GAREM1: variants seen among roughly 807,000 people sequenced by gnomAD.
The protein encoded by GAREM1 is GRB2-associated and regulator of MAPK protein 1.
A neutral mutation model predicts 71.3 loss-of-function variants in GAREM1; 26 were observed. That is an observed-to-expected ratio of 0.36 (90% CI 0.27 to 0.51). GAREM1 has a LOEUF of 0.51. Among genes scored for constraint, GAREM1 ranks in the 20% least tolerant of loss-of-function variants. The probability of loss-of-function intolerance (pLI) is 0.95; values close to 1 mark genes in which losing one functional copy is unlikely to be tolerated. For missense variants in GAREM1, 1,026 were observed against 1,103.1 expected (o/e 0.93, Z 0.99); for synonymous variants, 440 against 433.2 (o/e 1.02, Z -0.20).
intron 1 of GAREM1, among the ~76,000 whole-genome samples, chr18:32,407,697 A>T (rs569445900): frequency 4.6e-5 from 7 of 152,222 alleles, no homozygotes; most frequent in Admixed American, 2.0e-4. Context: ...AGATGACATT[A>T]CTAGAGTGGC....
intron 2 of GAREM1, among the ~76,000 whole-genome samples, chr18:32,322,491 G>A (rs568388250): frequency 3.4e-5 from 5 of 148,774 alleles, no homozygotes; most frequent in Non-Finnish European, 7.4e-5. Context: ...ATAAAGATTG[G>A]GGTCAGTTAC....
At chr18:32,390,164 T>C (rs1208623085) in intron 2 of GAREM1, among the ~76,000 whole-genome samples, 1 of 152,144 alleles carries the variant, frequency 6.6e-6, no homozygotes, top group Non-Finnish European at 1.5e-5. Context: ...GAGTGACACC[T>C]TGTTTCAAAA....
chr18:32,462,234 T>C (rs2048959424), intron 1 of GAREM1, among the ~76,000 whole-genome samples: 3 of 152,254 alleles, frequency 2.0e-5, no homozygotes, highest in African/African-American at 7.2e-5. Context: ...ATTTACACTC[T>C]TACATTCCCA....
intron 2 of GAREM1, among the ~76,000 whole-genome samples, chr18:32,323,692 GAGTA>G (rs1567964491): frequency 6.6e-6 from 1 of 152,196 alleles, no homozygotes; most frequent in Non-Finnish European, 1.5e-5. Flanking sequence ...CTGGGCGACA[GAGTA>G]AGACCCTATC....
chr18:32,464,623 C>A (rs550326063), intron 1 of GAREM1, among the ~76,000 whole-genome samples: 14 of 152,258 alleles, frequency 9.2e-5, no homozygotes, highest in Non-Finnish European at 1.6e-4. Flanking sequence ...TGCGGATTAC[C>A]AGATCAATAA....
intron 3 of GAREM1, among the ~76,000 whole-genome samples, chr18:32,302,275 A>G (rs1282553357): frequency 6.6e-6 from 1 of 152,214 alleles, no homozygotes; most frequent in Non-Finnish European, 1.5e-5. Flanking sequence ...ATATTTGCTA[A>G]AAGAAGCAGG....
chr18:32,344,718 T>C (rs2047677937), intron 2 of GAREM1, among the ~76,000 whole-genome samples: 1 of 152,176 alleles, frequency 6.6e-6, no homozygotes, highest in African/African-American at 2.4e-5. Context: ...TTATATAAAA[T>C]TTGTAATAAT....
intron 5 of GAREM1, among the ~76,000 whole-genome samples, chr18:32,269,882 G>A (rs2041432108): frequency 6.6e-6 from 1 of 152,088 alleles, no homozygotes; most frequent in African/African-American, 2.4e-5. Flanking sequence ...TGAAGGTGCT[G>A]TCTGCTCGTG....
chr18:32,343,312 T>C (rs1162759899), intron 2 of GAREM1, among the ~76,000 whole-genome samples: 1 of 79,890 alleles, frequency 1.3e-5, no homozygotes. Context: ...TCCCCCACTG[T>C]TTTTTTTTTT....
intron 2 of GAREM1, among the ~76,000 whole-genome samples, chr18:32,384,430 T>C (rs1423666087): frequency 1.3e-5 from 2 of 152,250 alleles, no homozygotes; most frequent in Non-Finnish European, 2.9e-5. Context: ...ATACAATTTA[T>C]TTTGCCACTG....
intron 4 of GAREM1, among the ~76,000 whole-genome samples, chr18:32,281,948 C>G (rs2046956181): frequency 1.3e-5 from 2 of 152,326 alleles, no homozygotes; most frequent in African/African-American, 4.8e-5. Context: ...CTTGCCTTAA[C>G]TGATGACATT....
At chr18:32,332,124 G>A (rs2047541807) in intron 2 of GAREM1, among the ~76,000 whole-genome samples, 1 of 151,530 alleles carries the variant, frequency 6.6e-6, no homozygotes, top group Non-Finnish European at 1.5e-5. Flanking sequence ...TCCCTTTTTG[G>A]AGTGCTAAGA....
chr18:32,356,835 C>A (rs532810262), intron 2 of GAREM1, among the ~76,000 whole-genome samples: 106 of 152,272 alleles, frequency 7.0e-4, no homozygotes, highest in African/African-American at 2.4e-3. Context: ...GGAGGACCAT[C>A]ATTATGATGA....
intron 1 of GAREM1, among the ~76,000 whole-genome samples, chr18:32,435,666 G>A (rs2048669386): frequency 6.6e-6 from 1 of 152,094 alleles, no homozygotes; most frequent in South Asian, 2.1e-4. Context: ...TTTAGAAAAT[G>A]TTGTTATGTG....
chr18:32,267,737 G>C lies in GAREM1; in HGVS notation c.*134C>G. On this transcript the variant is annotated 3_prime_UTR_variant, in exon 6 of 6. Transcript: ENST00000269209. ...TGTTCACCATTCAAAAACGTAATCTGCATAGTAAGAGTTTCTCTTATCCCT... is the reference window on the plus strand; with the variant it reads ...TGTTCACCATTCAAAAACGTAATCTCCATAGTAAGAGTTTCTCTTATCCCT... The C allele has an allele frequency of 1.5e-6, 1 of 670,690 alleles. No homozygotes were observed. Among genetic ancestry groups the C allele is most frequent in the Non-Finnish European group, 2.5e-6 (1 of 398,644 alleles). The allele number at this position is 670,690 out of a possible 1,614,324, so 41.5% of individuals were successfully genotyped here.
chr18:32,336,246 C>T (rs563738719), intron 2 of GAREM1, among the ~76,000 whole-genome samples: 8 of 151,952 alleles, frequency 5.3e-5, no homozygotes, highest in East Asian at 1.9e-4. Context: ...CTGGCTAAAA[C>T]GGTGAAACCC....
intron 2 of GAREM1, among the ~76,000 whole-genome samples, chr18:32,369,560 C>G (rs1399734953): frequency 6.6e-6 from 1 of 152,152 alleles, no homozygotes; most frequent in Non-Finnish European, 1.5e-5. Flanking sequence ...TGATCAGTAT[C>G]AACCCCCAGA....
intron 1 of GAREM1, among the ~76,000 whole-genome samples, chr18:32,403,159 C>T (rs994347815): frequency 3.3e-5 from 5 of 152,118 alleles, no homozygotes; most frequent in African/African-American, 9.7e-5. Flanking sequence ...CTGCCTGCTT[C>T]GGCCTCCCAA....
At chr18:32,359,784 G>C (rs1216230799) in intron 2 of GAREM1, among the ~76,000 whole-genome samples, 1 of 152,046 alleles carries the variant, frequency 6.6e-6, no homozygotes, top group Non-Finnish European at 1.5e-5. Context: ...AAATTAGCTG[G>C]ATGTGGTGGT....
Sources: gnomAD v4.1 joint callset for allele counts (sites outside exome capture counted in the v4.1 genomes callset) on GRCh38, gnomAD v4.1.1 for gene constraint, MANE v1.5 for transcripts, NCBI Gene and HGNC (gene_info 2026-07-23, HGNC 2026-07-21) for gene names.